The following LRRC53 variants were observed in gnomAD, a reference collection of about 807,000 sequenced individuals.
LRRC53 encodes leucine-rich repeat-containing protein 53.
A neutral mutation model predicts 13.6 loss-of-function variants in LRRC53; 25 were observed. The observed-to-expected ratio is 1.83, with a 90% confidence interval of 1.34 to 2.56. LRRC53 has a LOEUF of 2.56. LRRC53 is among the 30% of genes most tolerant of loss of function. LRRC53 has a pLI of 0.00. For synonymous variants in LRRC53, 204 were observed against 109.8 expected (o/e 1.86, Z -5.37); for missense variants, 527 against 275.8 (o/e 1.91, Z -6.45).
At chr1:74,485,518 A>T (rs908986300) in intron 1 of LRRC53, among the ~76,000 whole-genome samples, 39 of 152,294 alleles carry the variant, frequency 2.6e-4, no homozygotes, top group African/African-American at 9.1e-4. Flanking sequence ...GACCTGCAAG[A>T]TTCCTGTCCC....
intron 4 of LRRC53, among the ~76,000 whole-genome samples, chr1:74,474,803 C>G (rs1668109770): frequency 6.6e-6 from 1 of 151,974 alleles, no homozygotes; most frequent in Non-Finnish European, 1.5e-5. Flanking sequence ...TCATCCCTGA[C>G]AGCTCAGCAA....
chr1:74,508,715 G>C (rs941045664), intron 1 of LRRC53, among the ~76,000 whole-genome samples: 2 of 152,182 alleles, frequency 1.3e-5, no homozygotes, highest in Non-Finnish European at 2.9e-5. Flanking sequence ...TAGAAGGGAG[G>C]CTCAGGAGGA....
intron 1 of LRRC53, among the ~76,000 whole-genome samples, chr1:74,511,819 G>T (rs549989473): frequency 6.6e-6 from 1 of 152,136 alleles, no homozygotes; most frequent in Admixed American, 6.5e-5. Context: ...GAGAAAGGAA[G>T]AAAGAGTGTA....
chr1:74,482,964 T>A (rs138159249), intron 2 of LRRC53, among the ~76,000 whole-genome samples: 15 of 152,356 alleles, frequency 9.8e-5, no homozygotes, highest in Admixed American at 3.9e-4. Flanking sequence ...GCACAAAGTA[T>A]GTACAAAGAT....
chr1:74,493,991 T>C (rs1356898629), intron 1 of LRRC53, among the ~76,000 whole-genome samples: 1 of 152,150 alleles, frequency 6.6e-6, no homozygotes, highest in African/African-American at 2.4e-5. Context: ...TTAATATAAA[T>C]ACGGTTGTCA....
intron 3 of LRRC53, among the ~76,000 whole-genome samples, chr1:74,476,543 C>T (rs976115960): frequency 6.6e-6 from 1 of 152,144 alleles, no homozygotes; most frequent in Non-Finnish European, 1.5e-5. Context: ...GTGTCCACAA[C>T]TCTGAGACAA....
At chr1:74,511,624 C>G (rs1294231942) in intron 1 of LRRC53, among the ~76,000 whole-genome samples, 1 of 151,938 alleles carries the variant, frequency 6.6e-6, no homozygotes, top group East Asian at 1.9e-4. Context: ...ATTGGACACC[C>G]AATGATGGAT....
Position 74,472,131 on chromosome 1 carries a change from C to T in LRRC53, c.1491G>A (p.Glu497=). 1 of 717,206 alleles carries T rather than the reference C, an allele frequency of 1.4e-6. No homozygotes were observed. The allele number at this position is 717,206 out of a possible 1,614,324, so 44.4% of individuals were successfully genotyped here. A position where few individuals can be genotyped will look rare whatever the true frequency, so the allele number is the denominator to read the frequency against. ...PASALAGESL[E]KRLTNESWQP... is the part of the protein sequence containing the mutation. The stretch of plus-strand genomic sequence containing the variant: ...GCCATGATTCATTTGTTAAACGCTT[C>T]TCAAGACTTTCTCCTGCCAAGGCTG... Residue 497 remains glutamate, a synonymous_variant, in exon 5 of 5, where the codon GAG becomes GAA. Transcript: ENST00000294635.
At chr1:74,515,130 A>G (rs563108292), upstream of LRRC53, among the ~76,000 whole-genome samples, 1 of 152,298 alleles carries the variant, frequency 6.6e-6, no homozygotes, top group Non-Finnish European at 1.5e-5. Flanking sequence ...TTGACTCTGG[A>G]CTTTTAACCT....
the LRRC53 span, among the ~76,000 whole-genome samples, chr1:74,524,862 G>A: frequency 6.6e-6 from 1 of 152,302 alleles, no homozygotes; most frequent in African/African-American, 2.4e-5. Flanking sequence ...GCATGCCACT[G>A]CAGGGGTTTG....
At chr1:74,530,949 A>G in the LRRC53 span, among the ~76,000 whole-genome samples, 1 of 152,136 alleles carries the variant, frequency 6.6e-6, no homozygotes, top group African/African-American at 2.4e-5. Context: ...GCCATCAAGG[A>G]ATTAATACAC....
chr1:74,501,644 G>A lies in LRRC53; in HGVS notation c.-27+10882C>T, dbSNP rs531065047. The stretch of plus-strand genomic sequence containing the variant: ...TGGGATTACAGGCACGCACTACCAC[G>A]CCCGGGTAATTTTTGTACTTTTTTA... On this transcript the variant is annotated intron_variant, in intron 1 of 4. Transcript: ENST00000294635. Among the ~76,000 whole-genome samples, 18 of 151,970 alleles carry A rather than the reference G, an allele frequency of 1.2e-4. No homozygotes were observed. In the South Asian group the frequency reaches 3.7e-3, roughly 32 times the overall value.
At chr1:74,500,378 G>A (rs1646917123) in intron 1 of LRRC53, among the ~76,000 whole-genome samples, 1 of 151,440 alleles carries the variant, frequency 6.6e-6, no homozygotes, top group Non-Finnish European at 1.5e-5. Flanking sequence ...GAGGCGGGCG[G>A]ATCACGAGGT....
intron 4 of LRRC53, among the ~76,000 whole-genome samples, chr1:74,474,473 T>G (rs1668093599): frequency 6.6e-6 from 1 of 152,120 alleles, no homozygotes; most frequent in South Asian, 2.1e-4. Flanking sequence ...AAATGCATCC[T>G]TAGGGCCAGA....
chr1:74,509,090 T>C (rs942546385), intron 1 of LRRC53, among the ~76,000 whole-genome samples: 1 of 152,236 alleles, frequency 6.6e-6, no homozygotes, highest in Non-Finnish European at 1.5e-5. Context: ...ACTTTCTTCT[T>C]CTTTTTATCA....
intron 1 of LRRC53, among the ~76,000 whole-genome samples, chr1:74,486,009 C>T (rs975731646): frequency 6.6e-6 from 1 of 152,058 alleles, no homozygotes; most frequent in Non-Finnish European, 1.5e-5. Flanking sequence ...GGACTCCTGA[C>T]CAGTGGAAAC....
intron 1 of LRRC53, among the ~76,000 whole-genome samples, chr1:74,498,163 C>T (rs1669430016): frequency 6.6e-6 from 1 of 152,168 alleles, no homozygotes; most frequent in South Asian, 2.1e-4. Context: ...TACAGACAAA[C>T]TAGAAGTTCC....
intron 1 of LRRC53, among the ~76,000 whole-genome samples, chr1:74,489,912 C>T (rs1340131595): frequency 1.3e-5 from 2 of 151,926 alleles, no homozygotes; most frequent in Non-Finnish European, 2.9e-5. Flanking sequence ...TGGAGGAAGA[C>T]ATACATCACA....
intron 1 of LRRC53, among the ~76,000 whole-genome samples, chr1:74,506,793 G>C (rs1358948399): frequency 1.3e-5 from 2 of 152,098 alleles, no homozygotes; most frequent in African/African-American, 4.8e-5. Flanking sequence ...TCTCTTTCTA[G>C]ATTTTTTTCC....
Sources: gnomAD v4.1 joint callset for allele counts (sites outside exome capture counted in the v4.1 genomes callset) on GRCh38, gnomAD v4.1.1 for gene constraint, MANE v1.5 for transcripts, NCBI Gene and HGNC (gene_info 2026-07-23, HGNC 2026-07-21) for gene names.